MCM9: variants seen among roughly 807,000 people sequenced by gnomAD.
The protein encoded by MCM9 is minichromosome maintenance 9 homologous recombination repair factor.
Under a neutral mutation model 72.8 loss-of-function variants are expected in MCM9, and 55 were observed. That is an observed-to-expected ratio of 0.76 (90% CI 0.61 to 0.95). MCM9 has a LOEUF of 0.95. Among genes scored for constraint, MCM9 ranks in the 40% least tolerant of loss-of-function variants. The probability of loss-of-function intolerance (pLI) is 0.00; values close to 1 mark genes in which losing one functional copy is unlikely to be tolerated. For missense variants in MCM9, 1,279 were observed against 1,377.0 expected (o/e 0.93, Z 1.13); for synonymous variants, 480 against 503.4 (o/e 0.95, Z 0.62).
chr6:118,917,858 C>T, intron 5 of MCM9, 97 bp from the exon 6 acceptor site: 1 of 1,050,044 alleles, frequency 9.5e-7, no homozygotes, highest in South Asian at 1.4e-5. Context: ...TAAACCACTC[C>T]CTTACTAGAG....
At chr6:118,890,779 T>C (rs1778892485) in intron 8 of MCM9, among the ~76,000 whole-genome samples, 1 of 152,214 alleles carries the variant, frequency 6.6e-6, no homozygotes, top group Non-Finnish European at 1.5e-5. Context: ...ATCCTATTTC[T>C]AATAAATAAA....
chr6:118,831,793 A>C (rs1336767847), intron 9 of MCM9, among the ~76,000 whole-genome samples: 1 of 152,210 alleles, frequency 6.6e-6, no homozygotes, highest in Non-Finnish European at 1.5e-5. Context: ...AACAATATTA[A>C]TAAAAATAAC....
chr6:118,913,437 G>A lies in MCM9; in HGVS notation c.905-17C>T. ...CATTCCTTCCTAGGAAAAGCAGAAA[G>A]ATCAGAAATCAGCAATAATTTTCAA... is the stretch of plus-strand genomic sequence containing the variant. On this transcript the variant is annotated splice_polypyrimidine_tract_variant and intron_variant, in intron 6 of 13. Coordinates refer to ENST00000619706, the MANE Select transcript of MCM9 (RefSeq NM_017696.3). 1 of 1,611,648 alleles carries A rather than the reference G, an allele frequency of 6.2e-7. No individual in the cohort carries two copies. The highest frequency in any genetic ancestry group is 1.3e-5 in the African/African-American group (1 of 74,900).
intron 9 of MCM9, among the ~76,000 whole-genome samples, chr6:118,843,694 A>ATGTG (rs1380223096): frequency 2.4e-5 from 2 of 82,208 alleles, no homozygotes; most frequent in African/African-American, 9.8e-5. Flanking sequence ...ATGTGTATAT[A>ATGTG]TATATATATG....
At chr6:118,878,149 G>A (rs1016810211) in intron 8 of MCM9, among the ~76,000 whole-genome samples, 29 of 152,052 alleles carry the variant, frequency 1.9e-4, no homozygotes, top group Admixed American at 5.9e-4. Context: ...GTGACAGAGC[G>A]AGACCCTGCC....
rs1773331451 is a variant in MCM9, at chr6:118,815,205, C to T, written c.3051G>A (p.Gln1017=). The change falls in exon 14 of 14, where the codon CAG becomes CAA. Residue 1017 remains glutamine (Q), a synonymous_variant. Coordinates refer to ENST00000619706, the MANE Select transcript of MCM9 (RefSeq NM_017696.3). ...TCTCGTTCCCAAGCTCTAATTCAGG[C>T]TGAATAATCCTCTTCTCAGGGGCAC... ...VMCAPEKRII[Q]PELELGNETG... 1.9e-6 allele frequency: 3 copies of T among 1,550,592 alleles called. No individual in the cohort carries two copies. The East Asian group carries it at 7.3e-5, about 38-fold the overall frequency.
rs1773292436 is a variant in MCM9 at position 118,814,631 on chromosome 6, A to C, written c.*193T>G. On this transcript the variant is annotated 3_prime_UTR_variant, in exon 14 of 14. Transcript: ENST00000619706. ...CAGCTCAGCTGCTGGTATCACACTG[A>C]CCTCAACTGATTATACAACTTTTTA... 1 of 491,138 alleles carries C rather than the reference A, an allele frequency of 2.0e-6. No individual in the cohort carries two copies. Among genetic ancestry groups the C allele is most frequent in the Non-Finnish European group, 3.5e-6 (1 of 287,248 alleles). The allele number at this position is 491,138 out of a possible 1,614,324, so 30.4% of individuals were successfully genotyped here.
At position 118,815,530 on chromosome 6, in the gene MCM9, T is replaced by C. The variant is rs1399605039; in HGVS notation, c.2726A>G (p.Asn909Ser). The C allele has an allele frequency of 6.5e-7, 1 of 1,548,604 alleles. No individual in the cohort carries two copies. The highest frequency in any genetic ancestry group is 2.0e-5 in the Admixed American group (1 of 50,554). ...LAQVEEPAIE[N>S]VKPPGSPVAK... ...CACAGGGGAACCTGGAGGCTTAACA[T>C]TTTCAATTGCAGGCTCTTCCACTTG... Residue 909 changes from asparagine to serine, a missense_variant, in exon 14 of 14, where the codon AAT (asparagine) becomes AGT (serine). By Grantham distance (46) the Asn-to-Ser change is conservative. Coordinates refer to ENST00000619706, the MANE Select transcript of MCM9 (RefSeq NM_017696.3).
chr6:118,856,513 C>T lies in MCM9; in HGVS notation c.1183G>A (p.Glu395Lys). The T allele has an allele frequency of 6.5e-7, 1 of 1,535,672 alleles. No individual in the cohort carries two copies. The highest frequency in any genetic ancestry group is 8.7e-7 in the Non-Finnish European group (1 of 1,146,894). The change falls in exon 9 of 14, where the codon GAA becomes AAA. Residue 395 changes from glutamate (E) to lysine (K), a missense_variant. Transcript: ENST00000619706. ...LTVTAVKDSG[E>K]WNLEAGALVL... ...AATGCCCCAGCCTCCAAATTCCATTCTCCTGAGTCTTTTACAGCAGTTACC... is the reference window on the plus strand; with the variant it reads ...AATGCCCCAGCCTCCAAATTCCATTTTCCTGAGTCTTTTACAGCAGTTACC...
At chr6:118,916,171 A>T (rs1780928978) in intron 6 of MCM9, among the ~76,000 whole-genome samples, 1 of 151,806 alleles carries the variant, frequency 6.6e-6, no homozygotes, top group Non-Finnish European at 1.5e-5. Flanking sequence ...TGGGAAACAT[A>T]GCATAGTGAG....
chr6:118,927,053 G>T (rs182307476), intron 3 of MCM9, among the ~76,000 whole-genome samples: 26 of 152,202 alleles, frequency 1.7e-4, no homozygotes, highest in African/African-American at 5.8e-4. Flanking sequence ...AATTCTTTGG[G>T]TTTCTGAAAT....
chr6:118,845,011 C>A (rs1411901629), intron 9 of MCM9, among the ~76,000 whole-genome samples: 1 of 151,788 alleles, frequency 6.6e-6, no homozygotes, highest in African/African-American at 2.4e-5. Flanking sequence ...TGGCACCTGA[C>A]CCAAGAGCAG....
chr6:118,881,951 C>T (rs886663048), intron 8 of MCM9, among the ~76,000 whole-genome samples: 1 of 152,174 alleles, frequency 6.6e-6, no homozygotes, highest in African/African-American at 2.4e-5. Flanking sequence ...TCCCTATGAG[C>T]TCTTAATCAA....
chr6:118,855,047 T>C (rs143311097), intron 9 of MCM9, among the ~76,000 whole-genome samples: 29,383 of 152,158 alleles, frequency 0.19, 3,398 homozygotes, highest in Non-Finnish European at 0.27. Flanking sequence ...ATTTTTCCAG[T>C]GCACAAAGTA....
chr6:118,815,613 T>A lies in MCM9; in HGVS notation c.2643A>T (p.Val881=). The A allele has an allele frequency of 6.4e-7, 1 of 1,550,510 alleles. No individual in the cohort carries two copies. Among genetic ancestry groups the A allele is most frequent in the South Asian group, 1.2e-5 (1 of 84,066 alleles). Residue 881 remains valine (V), a synonymous_variant, in exon 14 of 14, where the codon GTA becomes GTT. Coordinates refer to ENST00000619706, the MANE Select transcript of MCM9 (RefSeq NM_017696.3). The stretch of plus-strand genomic sequence containing the variant: ...AGTCCAGCATTCTGTCTGGGCTATG[T>A]ACAGGAGTGGACTGAGGATGGGAAG... ...TVPSHPQSTP[V]HSPDRMLDSP...
chr6:118,838,887 G>A (rs983525656), intron 9 of MCM9, among the ~76,000 whole-genome samples: 1 of 152,142 alleles, frequency 6.6e-6, no homozygotes, highest in Admixed American at 6.5e-5. Flanking sequence ...CAACCTTGGT[G>A]AATCTGACAA....
chr6:118,847,371 A>G (rs1278662903), intron 9 of MCM9, among the ~76,000 whole-genome samples: 2 of 143,732 alleles, frequency 1.4e-5, no homozygotes, highest in East Asian at 4.1e-4. Context: ...GGGCCCTACC[A>G]TTATGTAATA....
At chr6:118,902,492 A>G (rs1201812883) in intron 8 of MCM9, among the ~76,000 whole-genome samples, 1 of 151,358 alleles carries the variant, frequency 6.6e-6, no homozygotes, top group Non-Finnish European at 1.5e-5. Flanking sequence ...TTCATGATAC[A>G]GTAAAAGAAA....
rs1263463264 is a variant in MCM9 at position 118,826,191 on chromosome 6, T to C, written c.1917A>G (p.Leu639=). The change falls in exon 13 of 14, where the codon CTA becomes CTG. Residue 639 remains leucine (L), a synonymous_variant. Transcript: ENST00000619706. The stretch of plus-strand genomic sequence containing the variant: ...CTTCACTCAAGAGGCTCTGCAGCTC[T>C]AGCTTTTCCAGAATAAGTTCACACT... ...QRQCELILEK[L]ELQSLLSEEL... 11 of 1,550,428 alleles carry C rather than the reference T, an allele frequency of 7.1e-6. No individual in the cohort carries two copies. The highest frequency in any genetic ancestry group is 8.7e-6 in the Non-Finnish European group (10 of 1,146,948).
Sources: allele counts gnomAD v4.1 joint callset (sites outside exome capture counted in the v4.1 genomes callset), GRCh38; gene constraint gnomAD v4.1.1; transcripts MANE v1.5; gene names NCBI Gene and HGNC (gene_info 2026-07-23, HGNC 2026-07-21).